Variants in SCHIP1 observed in about 807,000 individuals in gnomAD.
The protein encoded by SCHIP1 is schwannomin-interacting protein 1.
In SCHIP1, 8 loss-of-function variants were observed where a neutral mutation model predicts 29.7. The observed-to-expected ratio is 0.27, with a 90% confidence interval of 0.16 to 0.49. SCHIP1 has a LOEUF of 0.49. Ranked by LOEUF, SCHIP1 falls within the 20% of genes least tolerant of loss-of-function variation. SCHIP1 has a pLI of 0.99. For missense variants in SCHIP1, 193 were observed against 294.6 expected, an observed-to-expected ratio of 0.66 and a Z score of 2.52; for synonymous variants, 76 against 94.9, an observed-to-expected ratio of 0.80 and a Z score of 1.16.
chr3:159,398,416 T>G, the SCHIP1 span, among the ~76,000 whole-genome samples: 1 of 152,188 alleles, frequency 6.6e-6, no homozygotes, highest in Non-Finnish European at 1.5e-5. Context: ...TTGAGAGCCA[T>G]GATGAAGGTT....
exon 1 of SCHIP1, chr3:159,840,095 T>C: frequency 1.3e-6 from 2 of 1,527,200 alleles, no homozygotes; most frequent in Non-Finnish European, 1.7e-6. Context: ...CAGGGCGTTC[T>C]CTCCGCCCGC....
At chr3:159,500,138 G>GT in the SCHIP1 span, among the ~76,000 whole-genome samples, 2 of 150,996 alleles carry the variant, frequency 1.3e-5, no homozygotes, top group Non-Finnish European at 3.0e-5. Flanking sequence ...CCAGTTTTTT[G>GT]TTTTTTTGTT....
the SCHIP1 span, among the ~76,000 whole-genome samples, chr3:159,429,119 C>G: frequency 6.6e-6 from 1 of 151,112 alleles, no homozygotes; most frequent in Non-Finnish European, 1.5e-5. Context: ...GTGGGTGGAG[C>G]CACTAGCATG....
upstream of SCHIP1, among the ~76,000 whole-genome samples, chr3:159,836,756 A>G (rs966730031): frequency 3.9e-5 from 6 of 152,234 alleles, no homozygotes; most frequent in African/African-American, 1.4e-4. Flanking sequence ...TACAAAGACT[A>G]TGCTTTACAT....
the SCHIP1 span, among the ~76,000 whole-genome samples, chr3:159,775,213 CAG>C: frequency 6.6e-6 from 1 of 152,354 alleles, no homozygotes; most frequent in East Asian, 1.9e-4. Context: ...TAGTTATTCA[CAG>C]AGTTAGTTTT....
the SCHIP1 span, among the ~76,000 whole-genome samples, chr3:159,626,168 ATATCTATCTATC>A: frequency 1.4e-4 from 9 of 66,228 alleles, no homozygotes; most frequent in African/African-American, 8.0e-4. Context: ...ATATCTAGAT[ATATCTATCTATC>A]TAGATAGATA....
chr3:159,498,838 A>G, the SCHIP1 span, among the ~76,000 whole-genome samples: 10 of 152,236 alleles, frequency 6.6e-5, 1 homozygote, highest in Admixed American at 6.5e-4. Context: ...GATTGCAAGT[A>G]GCAATCTTAT....
At chr3:159,597,083 T>C in the SCHIP1 span, among the ~76,000 whole-genome samples, 1 of 151,704 alleles carries the variant, frequency 6.6e-6, no homozygotes, top group East Asian at 1.9e-4. Context: ...CTTACCACCA[T>C]CAACTCAGTT....
chr3:159,385,326 G>A, the SCHIP1 span, among the ~76,000 whole-genome samples: 3 of 152,330 alleles, frequency 2.0e-5, no homozygotes, highest in South Asian at 6.2e-4. Context: ...GGGAGGCTGA[G>A]TTGGGCAGAT....
the SCHIP1 span, among the ~76,000 whole-genome samples, chr3:159,500,674 AC>A: frequency 6.6e-6 from 1 of 151,734 alleles, no homozygotes; most frequent in Non-Finnish European, 1.5e-5. Flanking sequence ...AGATTGTGTC[AC>A]TGCCCTCCAG....
chr3:159,435,151 A>G, the SCHIP1 span, among the ~76,000 whole-genome samples: 11 of 152,176 alleles, frequency 7.2e-5, no homozygotes, highest in Admixed American at 6.6e-4. Context: ...TTGACAAGTC[A>G]CATGTCTTCT....
the SCHIP1 span, among the ~76,000 whole-genome samples, chr3:159,388,877 C>T: frequency 6.6e-6 from 1 of 152,130 alleles, no homozygotes; most frequent in Non-Finnish European, 1.5e-5. Flanking sequence ...AAATCTTCAT[C>T]CTTTCCTCAT....
At chr3:159,875,472 C>G (rs183074087) in intron 2 of SCHIP1, among the ~76,000 whole-genome samples, 109 of 152,208 alleles carry the variant, frequency 7.2e-4, no homozygotes, top group African/African-American at 2.6e-3. Flanking sequence ...AAAAATGGCT[C>G]TAGTAGACAG....
At chr3:159,539,701 C>T in the SCHIP1 span, among the ~76,000 whole-genome samples, 14 of 135,954 alleles carry the variant, frequency 1.0e-4, 2 homozygotes, top group African/African-American at 1.5e-4. Context: ...TCCATTTTGA[C>T]GGTATCTACT....
At chr3:159,634,718 A>G in the SCHIP1 span, among the ~76,000 whole-genome samples, 109 of 152,328 alleles carry the variant, frequency 7.2e-4, no homozygotes, top group African/African-American at 2.5e-3. Flanking sequence ...TCCCTTGCCC[A>G]AAGTATACAT....
chr3:159,288,997 C>T, the SCHIP1 span, among the ~76,000 whole-genome samples: 1 of 152,132 alleles, frequency 6.6e-6, no homozygotes, highest in African/African-American at 2.4e-5. Context: ...TTCTTCTTTC[C>T]TCCCTTTCTT....
the SCHIP1 span, among the ~76,000 whole-genome samples, chr3:159,527,598 T>C: frequency 1.3e-5 from 2 of 152,224 alleles, no homozygotes; most frequent in African/African-American, 4.8e-5. Context: ...TATTAGAAGC[T>C]TTGTTTTTTG....
At chr3:159,483,163 A>G in the SCHIP1 span, among the ~76,000 whole-genome samples, 1 of 152,042 alleles carries the variant, frequency 6.6e-6, no homozygotes, top group African/African-American at 2.4e-5. Context: ...AACGAATTCA[A>G]ATTTAGGAAT....
At chr3:159,451,739 A>G in the SCHIP1 span, among the ~76,000 whole-genome samples, 1 of 152,162 alleles carries the variant, frequency 6.6e-6, no homozygotes, top group Non-Finnish European at 1.5e-5. Context: ...TATAATCTAG[A>G]AGGAAAAATA....
Sources: gnomAD v4.1 joint callset for allele counts (sites outside exome capture counted in the v4.1 genomes callset) on GRCh38, gnomAD v4.1.1 for gene constraint, MANE v1.5 for transcripts, NCBI Gene and HGNC (gene_info 2026-07-23, HGNC 2026-07-21) for gene names.